ST7L: variants seen among roughly 807,000 people sequenced by gnomAD.
The protein encoded by ST7L is suppression of tumorigenicity 7 like.
In ST7L, 57 loss-of-function variants were observed where a neutral mutation model predicts 72.5. The observed-to-expected ratio is 0.79, with a 90% CI of 0.64 to 0.98. ST7L has a LOEUF of 0.98. Among genes scored for constraint, ST7L ranks in the 50% least tolerant of loss-of-function variants. The probability of loss-of-function intolerance (pLI) is 0.00; values close to 1 mark genes in which losing one functional copy is unlikely to be tolerated. For missense variants in ST7L, 576 were observed against 672.2 expected (o/e 0.86, Z 1.58); for synonymous variants, 221 against 240.9 (o/e 0.92, Z 0.77).
chr1:112,587,960 G>T (rs749635215), intron 6 of ST7L, among the ~76,000 whole-genome samples: 1 of 152,100 alleles, frequency 6.6e-6, no homozygotes, highest in African/African-American at 2.4e-5. Context: ...GATGTCTTTT[G>T]ATTTATTTAT....
chr1:112,549,947 C>A (rs1416835635), intron 13 of ST7L, among the ~76,000 whole-genome samples: 1 of 152,022 alleles, frequency 6.6e-6, no homozygotes, highest in Non-Finnish European at 1.5e-5. Flanking sequence ...TTTTTTAAAT[C>A]AGGTTGAGGA....
At chr1:112,617,840 A>G (rs1670157037) in intron 1 of ST7L, among the ~76,000 whole-genome samples, 1 of 152,212 alleles carries the variant, frequency 6.6e-6, no homozygotes, top group Non-Finnish European at 1.5e-5. Flanking sequence ...ATAAATGACA[A>G]GTCAATCAGT....
Position 112,546,659 on chromosome 1 carries a change from A to C in ST7L, c.1489+3942T>G, listed in dbSNP as rs562099868. ...AAATCCTAATGGCTTTCTAGTCCCC[A>C]GTTCTAGTCCCTTATGAAGTCCAAA... On this transcript the variant is annotated intron_variant, in intron 13 of 14. Transcript: ENST00000358039. Among the ~76,000 whole-genome samples, 3 of 152,322 alleles carry C rather than the reference A, an allele frequency of 2.0e-5. No homozygotes were observed. The South Asian group carries it at 6.2e-4, about 32-fold the overall frequency.
downstream of ST7L, chr1:112,520,258 C>T (rs1031271916): frequency 9.3e-6 from 15 of 1,605,832 alleles, no homozygotes; most frequent in African/African-American, 1.3e-5. Flanking sequence ...TTTGTTCTCA[C>T]TCCCTCTCTT....
intron 12 of ST7L, 27 bp downstream of exon 12, chr1:112,555,841 G>T: frequency 1.4e-6 from 2 of 1,478,394 alleles, no homozygotes; most frequent in Non-Finnish European, 1.8e-6. Flanking sequence ...AGAGAGATTA[G>T]TGTTACTTTT....
At chr1:112,532,535 T>C (rs1334881682) in intron 14 of ST7L, among the ~76,000 whole-genome samples, 3 of 152,234 alleles carry the variant, frequency 2.0e-5, no homozygotes, top group Non-Finnish European at 4.4e-5. Context: ...TGCATCTTTC[T>C]CTGTCACATT....
intron 3 of ST7L, among the ~76,000 whole-genome samples, chr1:112,602,039 G>A (rs1387151936): frequency 7.0e-6 from 1 of 142,972 alleles, no homozygotes; most frequent in African/African-American, 2.6e-5. Flanking sequence ...GATGGAGATC[G>A]CACCATTGCA....
rs1282429696 is a variant in ST7L at position 112,599,074 on chromosome 1, ATATATATATATATATATATAT to A, written c.507-1009_507-989del. Among the ~76,000 whole-genome samples, 202 of 40,278 alleles carry A rather than the reference ATATATATATATATATATATAT, an allele frequency of 5.0e-3. 23 individuals are homozygous for A. Among genetic ancestry groups the A allele is most frequent in the East Asian group, 0.02 (17 of 844 alleles). 26.4% of individuals were successfully genotyped at this position (40,278 alleles called of 152,430 possible). A position where few individuals can be genotyped will look rare whatever the true frequency, so the allele number is the denominator to read the frequency against. On this transcript the variant is annotated intron_variant, in intron 4 of 14. Transcript: ENST00000358039. Reference sequence around the variant, plus strand: ...GACTCAGCCTCAAAAAAAAAAAAAAATATATATATATATATATATATATATATATATATATATGTGGATGTG... The same window carrying A: ...GACTCAGCCTCAAAAAAAAAAAAAAAATATATATATATATATGTGGATGTG...
intron 10 of ST7L, 23 bp downstream of exon 10, chr1:112,578,322 A>G: frequency 6.2e-7 from 1 of 1,603,224 alleles, no homozygotes; most frequent in Non-Finnish European, 8.5e-7. Context: ...TTTCCAAATC[A>G]TTGTAGTTTT....
intron 9 of ST7L, among the ~76,000 whole-genome samples, chr1:112,578,799 C>A (rs188413635): frequency 0.012 from 1,756 of 151,504 alleles, 25 homozygotes; most frequent in Non-Finnish European, 0.018. Flanking sequence ...CAAAACAAAA[C>A]AAAAAAAAGA....
intron 1 of ST7L, chr1:112,618,707 T>G: frequency 8.6e-7 from 1 of 1,156,432 alleles, no homozygotes; most frequent in Non-Finnish European, 1.2e-6. Context: ...ACCTTAAGAG[T>G]TCTACGGAGG....
At chr1:112,586,417 G>C (rs1038610387) in intron 6 of ST7L, among the ~76,000 whole-genome samples, 2 of 152,128 alleles carry the variant, frequency 1.3e-5, no homozygotes, top group Non-Finnish European at 2.9e-5. Context: ...ACTCCAGCCT[G>C]GGCAACAGAG....
chr1:112,619,417 C>G (rs1384213424), upstream of ST7L: 1 of 540,344 alleles, frequency 1.9e-6, no homozygotes, highest in Admixed American at 3.5e-5. Context: ...GCCCCCCCCC[C>G]GGGGTTGGAA....
intron 12 of ST7L, 40 bp downstream of exon 12, chr1:112,555,828 G>A (rs763243659): frequency 3.5e-6 from 5 of 1,446,924 alleles, no homozygotes; most frequent in Non-Finnish European, 3.7e-6. Flanking sequence ...TCAATGAATA[G>A]TTAGAGAGAT....
chr1:112,542,966 C>CT (rs1408403006), intron 13 of ST7L, among the ~76,000 whole-genome samples: 1 of 151,866 alleles, frequency 6.6e-6, no homozygotes, highest in African/African-American at 2.4e-5. Flanking sequence ...CGCCCAGCTA[C>CT]TTTTTTGTAT....
At chr1:112,560,404 A>C (rs1295215504) in intron 11 of ST7L, among the ~76,000 whole-genome samples, 2 of 152,196 alleles carry the variant, frequency 1.3e-5, no homozygotes. Context: ...AAAAAAACCC[A>C]AAAACCAAAA....
chr1:112,558,676 T>TA (rs1426525546), intron 11 of ST7L, among the ~76,000 whole-genome samples: 6 of 152,234 alleles, frequency 3.9e-5, no homozygotes, highest in Non-Finnish European at 5.9e-5. Flanking sequence ...TTCAGTTTCT[T>TA]AAAGGAATGC....
chr1:112,616,877 G>C lies in ST7L; in HGVS notation c.224C>G (p.Ser75Ter). 2 of 1,605,454 alleles carry C rather than the reference G, an allele frequency of 1.2e-6. No individual in the cohort carries two copies. Among genetic ancestry groups the C allele is most frequent in the Non-Finnish European group, 1.7e-6 (2 of 1,177,108 alleles). ...NLAAVTVFLN[S>*]LTPKFYVALT... ...TGCCACATAGAATTTGGGTGTCAAT[G>C]AATTTAAAAATACAGTCACTGTCAA... Residue 75 changes from serine (S) to a stop codon, truncating the protein, a stop_gained, in exon 2 of 15, where the codon TCA (serine) becomes TGA (stop). Transcript: ENST00000358039. LOFTEE classifies it high-confidence loss of function.
intron 4 of ST7L, among the ~76,000 whole-genome samples, chr1:112,598,597 A>C (rs1370625526): frequency 6.8e-6 from 1 of 148,084 alleles, no homozygotes; most frequent in African/African-American, 2.5e-5. Flanking sequence ...TTTTTAACTA[A>C]AAAAAAAAAA....
Sources: gnomAD v4.1 joint callset for allele counts (sites outside exome capture counted in the v4.1 genomes callset) on GRCh38, gnomAD v4.1.1 for gene constraint, MANE v1.5 for transcripts, NCBI Gene and HGNC (gene_info 2026-07-23, HGNC 2026-07-21) for gene names.